CROCC2: variants seen among roughly 807,000 people sequenced by gnomAD.
CROCC2 encodes ciliary rootlet coiled-coil, rootletin family member 2.
Under a neutral mutation model 177.6 loss-of-function variants are expected in CROCC2, and 163 were observed. The ratio of observed to expected loss-of-function variants is 0.92; its 90% CI spans 0.81 to 1.05. CROCC2 has a LOEUF of 1.05. CROCC2 is among the 50% of genes least tolerant of loss of function. The pLI is 0.00. For missense variants in CROCC2, 1,929 were observed against 1,797.8 expected, an observed-to-expected ratio of 1.07 and a Z score of -1.32; for synonymous variants, 904 against 787.3, an observed-to-expected ratio of 1.15 and a Z score of -2.48.
Position 240,933,695 on chromosome 2 carries a change from G to A in CROCC2, c.1489G>A (p.Val497Met), listed in dbSNP as rs1317081291. The A allele has an allele frequency of 2.6e-6, 4 of 1,550,262 alleles. No homozygotes were observed. The highest frequency in any genetic ancestry group is 1.4e-5 in the African/African-American group (1 of 73,060). ...GGAGAAGGCTGCTCTGGAGATGGTG[G>A]TGGAGGAGCTGAAAGGGAAGGCAGA... is the stretch of plus-strand genomic sequence containing the variant. ...GREKAALEMVVEELKGKADAA... is the reference protein window; with the variant it reads ...GREKAALEMVMEELKGKADAA... The change falls in exon 11 of 32, where the codon GTG (valine) becomes ATG (methionine). Residue 497 changes from valine to methionine, a missense_variant. Physicochemically the swap from Val to Met is conservative, Grantham distance 21. This residue lies in a region of CROCC2 where 1,397 missense variants were observed against 1,239.9 expected (regional missense o/e 1.13). Coordinates refer to ENST00000690015, the MANE Select transcript of CROCC2 (RefSeq NM_001351305.2).
chr2:240,909,713 G>A (rs901132889), intron 1 of CROCC2, among the ~76,000 whole-genome samples: 52 of 152,288 alleles, frequency 3.4e-4, no homozygotes, highest in South Asian at 2.1e-4. Context: ...TGGAGGCTAC[G>A]CAGGCCCCAG....
rs1287137229 is a variant in CROCC2 at position 240,972,462 on chromosome 2, C to T, written c.4401+4200C>T. ...CCCCGGGTCCCCCAGCCACAGCAACCCTCTTCCCTGAGGTCCTGGTAGTAC... is the reference window on the plus strand; with the variant it reads ...CCCCGGGTCCCCCAGCCACAGCAACTCTCTTCCCTGAGGTCCTGGTAGTAC... On this transcript the variant is annotated intron_variant, in intron 27 of 31. Transcript: ENST00000690015. This position sits in a 1 kb window ranked among gnomAD's most constrained non-coding sequence, Gnocchi z 7.1. 6.6e-6 allele frequency among the ~76,000 whole-genome samples: 1 copy of T among 152,098 alleles called. No individual in the cohort carries two copies. The highest frequency in any genetic ancestry group is 1.5e-5 in the Non-Finnish European group (1 of 68,032).
intron 27 of CROCC2, chr2:240,981,916 C>G (rs768822732): frequency 6.6e-6 from 1 of 152,220 alleles, no homozygotes; most frequent in African/African-American, 2.4e-5. Flanking sequence ...CTCCTTCACA[C>G]GTCTGGGGTC....
intron 30 of CROCC2, among the ~76,000 whole-genome samples, chr2:240,990,216 C>A (rs1300163549): frequency 6.6e-6 from 1 of 152,210 alleles, no homozygotes; most frequent in African/African-American, 2.4e-5. Flanking sequence ...GCCTCTGCAC[C>A]TGTCCTTCAG....
At position 240,935,423 on chromosome 2, in the gene CROCC2, C is replaced by G; in HGVS notation, c.2004C>G (p.Ala668=). Residue 668 remains alanine, a synonymous_variant, in exon 14 of 32, where the codon GCC becomes GCG. Coordinates refer to ENST00000690015, the MANE Select transcript of CROCC2 (RefSeq NM_001351305.2). ...CTCTGGAGCAGGAACGGGCCCGGGCCGGGGAGCAGCTGGCACAGGCGGAGC... is the reference window on the plus strand; with the variant it reads ...CTCTGGAGCAGGAACGGGCCCGGGCGGGGGAGCAGCTGGCACAGGCGGAGC... ...RKTLEQERAR[A]GEQLAQAEQQ... 1 of 1,373,972 alleles carries G rather than the reference C, an allele frequency of 7.3e-7. No individual in the cohort carries two copies. Among genetic ancestry groups the G allele is most frequent in the East Asian group, 2.9e-5 (1 of 34,488 alleles). 85.1% of individuals were successfully genotyped at this position (1,373,972 alleles called of 1,614,324 possible).
chr2:240,948,858 A>T (rs2059537670), intron 15 of CROCC2, 121 bp from the exon 16 acceptor site: 1 of 915,946 alleles, frequency 1.1e-6, no homozygotes, highest in Non-Finnish European at 1.7e-6. Flanking sequence ...AATTTCTAAA[A>T]CATTCTTCCA....
At chr2:240,934,308 C>G in intron 11 of CROCC2, 23 bp from the exon 12 acceptor site, 1 of 1,546,790 alleles carries the variant, frequency 6.5e-7, no homozygotes, top group East Asian at 2.4e-5. Context: ...AGCGACCTCC[C>G]GCCCTCTGGT....
intron 22 of CROCC2, among the ~76,000 whole-genome samples, chr2:240,965,071 G>T (rs1376945709): frequency 6.6e-6 from 1 of 152,144 alleles, no homozygotes; most frequent in African/African-American, 2.4e-5. Flanking sequence ...GGCGGCCTCG[G>T]GGCAGTTGGG....
intron 1 of CROCC2, among the ~76,000 whole-genome samples, chr2:240,909,575 G>A (rs971791417): frequency 1.3e-5 from 2 of 152,212 alleles, no homozygotes; most frequent in African/African-American, 2.4e-5. Flanking sequence ...TGTGGTTAGC[G>A]GCTGGTCTGA....
At chr2:240,913,930 GAT>G (rs2059302907) in intron 1 of CROCC2, among the ~76,000 whole-genome samples, 1 of 152,276 alleles carries the variant, frequency 6.6e-6, no homozygotes, top group African/African-American at 2.4e-5. Flanking sequence ...CCTGTCCTCA[GAT>G]GTGTTCTTCA....
chr2:240,914,510 C>A (rs1214080534), intron 1 of CROCC2, among the ~76,000 whole-genome samples: 1 of 152,252 alleles, frequency 6.6e-6, no homozygotes, highest in East Asian at 1.9e-4. Context: ...AAGAGCAGGA[C>A]CTGGCAGCCC....
intron 27 of CROCC2, among the ~76,000 whole-genome samples, chr2:240,971,119 T>A (rs55990418): frequency 0.013 from 2,039 of 152,262 alleles, 41 homozygotes; most frequent in African/African-American, 0.045. Context: ...CAGCAGCACC[T>A]GCACCCCACG....
chr2:240,943,411 C>T (rs2059505027), intron 14 of CROCC2, among the ~76,000 whole-genome samples: 1 of 151,720 alleles, frequency 6.6e-6, no homozygotes, highest in Non-Finnish European at 1.5e-5. Flanking sequence ...TATCTGAACT[C>T]TAAGTTATAT....
At chr2:240,955,550 G>T in intron 18 of CROCC2, 1 of 321,944 alleles carries the variant, frequency 3.1e-6, no homozygotes, top group Non-Finnish European at 5.8e-6. Flanking sequence ...ATGGGAAAGG[G>T]CAGGATTTTA....
chr2:240,965,597 AC>A (rs1032026611), intron 23 of CROCC2, 38 bp from the exon 24 acceptor site: 2 of 1,549,576 alleles, frequency 1.3e-6, no homozygotes, highest in African/African-American at 2.7e-5. Flanking sequence ...CCACTTCCTC[AC>A]TGTCTCCCAC....
intron 18 of CROCC2, chr2:240,954,935 C>G (rs1247444667): frequency 6.6e-6 from 1 of 152,196 alleles, no homozygotes; most frequent in Non-Finnish European, 1.5e-5. Context: ...GGACAAAGAC[C>G]TGATACATCT....
chr2:240,985,848 G>T (rs529083546), intron 28 of CROCC2: 345 of 420,162 alleles, frequency 8.2e-4, no homozygotes, highest in Non-Finnish European at 1.4e-3. Flanking sequence ...ACTCACACTG[G>T]GGGTCTCACT....
At chr2:240,907,647 G>A (rs1443048015) in intron 1 of CROCC2, among the ~76,000 whole-genome samples, 1 of 152,184 alleles carries the variant, frequency 6.6e-6, no homozygotes, top group Non-Finnish European at 1.5e-5. Flanking sequence ...AGGACTAAGG[G>A]CAGGATATTT....
intron 3 of CROCC2, among the ~76,000 whole-genome samples, chr2:240,921,330 G>A (rs1178989740): frequency 1.3e-5 from 2 of 152,156 alleles, no homozygotes; most frequent in Non-Finnish European, 2.9e-5. Flanking sequence ...GCACCCCTGG[G>A]AGCCCCTGAG....
Sources: gnomAD v4.1 joint callset for allele counts (sites outside exome capture counted in the v4.1 genomes callset) on GRCh38, gnomAD v4.1.1 for gene constraint, gnomAD v4.1.1 regional missense constraint, Gnocchi (gnomAD v3.1) non-coding constraint, MANE v1.5 for transcripts, NCBI Gene and HGNC (gene_info 2026-07-23, HGNC 2026-07-21) for gene names.